RNF6: variants seen among roughly 807,000 people sequenced by gnomAD.
RNF6 encodes ring finger protein 6.
In RNF6, 21 loss-of-function variants were observed where a neutral mutation model predicts 50.1. That is an observed-to-expected ratio of 0.42 (90% CI 0.30 to 0.60). RNF6 has a LOEUF of 0.60. Among genes scored for constraint, RNF6 ranks in the 20% least tolerant of loss-of-function variants. The pLI is 0.20. For missense variants in RNF6, 698 were observed against 838.2 expected (o/e 0.83, Z 2.07); for synonymous variants, 255 against 291.8 (o/e 0.87, Z 1.29).
intron 5 of RNF6, among the ~76,000 whole-genome samples, chr13:26,189,151 A>G (rs1013374750): frequency 4.6e-5 from 7 of 152,084 alleles, no homozygotes; most frequent in Admixed American, 3.9e-4. Context: ...CAACATGGTG[A>G]AACTATGTCT....
At chr13:26,137,653 T>A (rs1219134307) in intron 5 of RNF6, among the ~76,000 whole-genome samples, 5 of 138,660 alleles carry the variant, frequency 3.6e-5, no homozygotes, top group Non-Finnish European at 3.1e-5. Context: ...ATAGAAATTA[T>A]AAAAAAAAAA....
At chr13:26,195,783 CCTT>C (rs1279274070) in intron 5 of RNF6, among the ~76,000 whole-genome samples, 3 of 152,126 alleles carry the variant, frequency 2.0e-5, no homozygotes, top group Admixed American at 1.3e-4. Context: ...TCAACACCTC[CCTT>C]CTTACACACC....
chr13:26,177,579 T>C (rs1365836405), intron 5 of RNF6, among the ~76,000 whole-genome samples: 1 of 152,188 alleles, frequency 6.6e-6, no homozygotes, highest in Non-Finnish European at 1.5e-5. Context: ...TGACAGTATA[T>C]GCCCAAAACC....
At chr13:26,159,908 C>G (rs892991922) in intron 5 of RNF6, among the ~76,000 whole-genome samples, 1 of 152,018 alleles carries the variant, frequency 6.6e-6, no homozygotes, top group African/African-American at 2.4e-5. Flanking sequence ...TTTTACTAAC[C>G]ATGCTTCAAC....
chr13:26,186,465 G>T (rs9553759), intron 5 of RNF6, among the ~76,000 whole-genome samples: 97,570 of 152,188 alleles, frequency 0.64, 31,948 homozygotes, highest in Middle Eastern at 0.72. Context: ...GGGCCCCGCA[G>T]CCAGTCGCGC....
intron 2 of RNF6, 95 bp from the exon 3 acceptor site, chr13:26,219,762 G>A: frequency 9.0e-7 from 1 of 1,111,548 alleles, no homozygotes; most frequent in Middle Eastern, 3.1e-4. Context: ...ATTTTTAAAT[G>A]TTGTCCCCTA....
intron 5 of RNF6, among the ~76,000 whole-genome samples, chr13:26,155,491 G>T (rs955346820): frequency 2.0e-5 from 3 of 152,114 alleles, no homozygotes; most frequent in African/African-American, 7.2e-5. Context: ...ATAGAACAGG[G>T]TTCAGGATGA....
chr13:26,153,329 T>A (rs1216402275), intron 5 of RNF6, among the ~76,000 whole-genome samples: 1 of 151,832 alleles, frequency 6.6e-6, no homozygotes, highest in African/African-American at 2.4e-5. Context: ...TTTTCCTGCC[T>A]CAGCCTCCAG....
chr13:26,160,042 A>G (rs1872121900), intron 5 of RNF6, among the ~76,000 whole-genome samples: 1 of 152,202 alleles, frequency 6.6e-6, no homozygotes, highest in Admixed American at 6.5e-5. Context: ...TACTCACTGA[A>G]AATTAAGAAT....
In RNF6 at chr13:26,213,720, T is replaced by C; in HGVS notation, c.*104A>G. The C allele has an allele frequency of 3.4e-6, 3 of 876,728 alleles. No homozygotes were observed. Among genetic ancestry groups the C allele is most frequent in the African/African-American group, 1.7e-5 (1 of 58,896 alleles). The allele number at this position is 876,728 out of a possible 1,614,324, so 54.3% of individuals were successfully genotyped here. A position where few individuals can be genotyped will look rare whatever the true frequency, so the allele number is the denominator to read the frequency against. ...GAAAAATAGTTCAAACTATATATAA[T>C]CTGTTATTTTTCATCCTGGTTAGCT... On this transcript the variant is annotated 3_prime_UTR_variant, in exon 5 of 5. Coordinates refer to ENST00000381588, the MANE Select transcript of RNF6 (RefSeq NM_005977.4).
chr13:26,150,507 A>G (rs950998260), intron 5 of RNF6, among the ~76,000 whole-genome samples: 6 of 152,180 alleles, frequency 3.9e-5, no homozygotes, highest in African/African-American at 1.2e-4. Context: ...ATGCAGCACA[A>G]TTTGTGTGTG....
At chr13:26,182,019 C>T (rs9581575) in intron 5 of RNF6, among the ~76,000 whole-genome samples, 52,315 of 151,938 alleles carry the variant, frequency 0.34, 9,705 homozygotes, top group East Asian at 0.67. Context: ...CTCCATATTT[C>T]TAAAAAAATC....
intron 5 of RNF6, among the ~76,000 whole-genome samples, chr13:26,140,724 C>T (rs1870893771): frequency 6.6e-6 from 1 of 152,082 alleles, no homozygotes; most frequent in Non-Finnish European, 1.5e-5. Context: ...GATTCTATAC[C>T]TAGAAAACCC....
At chr13:26,211,475 C>T (rs1005095278), downstream of RNF6, among the ~76,000 whole-genome samples, 2 of 152,074 alleles carry the variant, frequency 1.3e-5, no homozygotes, top group African/African-American at 2.4e-5. Flanking sequence ...AAGAAATAAA[C>T]GGGCCAGGCA....
At chr13:26,137,661 A>C (rs1870722184) in intron 5 of RNF6, among the ~76,000 whole-genome samples, 1 of 151,086 alleles carries the variant, frequency 6.6e-6, no homozygotes, top group Admixed American at 6.6e-5. Context: ...TATAAAAAAA[A>C]AAAAAACAAA....
At chr13:26,139,271 A>G (rs1870810264) in intron 5 of RNF6, among the ~76,000 whole-genome samples, 1 of 152,274 alleles carries the variant, frequency 6.6e-6, no homozygotes, top group Admixed American at 6.5e-5. Context: ...GCCATAGCCC[A>G]GAGCTCACTG....
intron 5 of RNF6, among the ~76,000 whole-genome samples, chr13:26,187,245 C>T (rs10507364): frequency 0.077 from 11,697 of 152,190 alleles, 530 homozygotes; most frequent in African/African-American, 0.13. Flanking sequence ...GCCTTCGGAC[C>T]GGGAACCTGA....
chr13:26,141,209 A>G (rs1405614272), intron 5 of RNF6, among the ~76,000 whole-genome samples: 1 of 152,114 alleles, frequency 6.6e-6, no homozygotes, highest in Non-Finnish European at 1.5e-5. Context: ...AGGCAGGTGG[A>G]TCACAAGGTC....
intron 5 of RNF6, among the ~76,000 whole-genome samples, chr13:26,150,335 A>G (rs1399734735): frequency 6.6e-6 from 1 of 152,156 alleles, no homozygotes; most frequent in Non-Finnish European, 1.5e-5. Flanking sequence ...GCTCGCGAAT[A>G]ACGATAGCTA....
Sources: gnomAD v4.1 joint callset for allele counts (sites outside exome capture counted in the v4.1 genomes callset) on GRCh38, gnomAD v4.1.1 for gene constraint, MANE v1.5 for transcripts, NCBI Gene and HGNC (gene_info 2026-07-23, HGNC 2026-07-21) for gene names.